Variants in PGM5 observed in about 807,000 individuals in gnomAD.
PGM5 encodes phosphoglucomutase 5.
A neutral mutation model predicts 59.2 loss-of-function variants in PGM5; 23 were observed. That is an observed-to-expected ratio of 0.39 (90% confidence interval 0.28 to 0.55). The LOEUF (loss-of-function observed/expected upper bound fraction) is 0.55. PGM5 is among the 20% of genes least tolerant of loss of function. The probability of loss-of-function intolerance (pLI) is 0.66; values close to 1 mark genes in which losing one functional copy is unlikely to be tolerated. For synonymous variants in PGM5, 214 were observed against 286.0 expected, an observed-to-expected ratio of 0.75 and a Z score of 2.54; for missense variants, 574 against 748.3, an observed-to-expected ratio of 0.77 and a Z score of 2.72.
intron 6 of PGM5, among the ~76,000 whole-genome samples, chr9:68,414,386 C>T (rs1845123): frequency 3.0e-4 from 45 of 152,328 alleles, no homozygotes; most frequent in African/African-American, 1.1e-3. Context: ...GTTCTTGATT[C>T]TGGCAATGGG....
At chr9:68,492,858 G>A (rs527934734) in intron 9 of PGM5, among the ~76,000 whole-genome samples, 2 of 152,198 alleles carry the variant, frequency 1.3e-5, no homozygotes, top group African/African-American at 4.8e-5. Context: ...TTTCTAGGCT[G>A]CATGCCCACT....
intron 10 of PGM5, among the ~76,000 whole-genome samples, chr9:68,505,908 A>G (rs1824646448): frequency 6.6e-6 from 1 of 152,178 alleles, no homozygotes; most frequent in South Asian, 2.1e-4. Flanking sequence ...TTCCTCTGGC[A>G]GCCAGCCCTC....
chr9:68,423,651 C>G (rs868948948), intron 6 of PGM5, among the ~76,000 whole-genome samples: 1 of 98,172 alleles, frequency 1.0e-5, no homozygotes, highest in South Asian at 3.9e-4. Context: ...CTCTCTCTCT[C>G]TCTGTCTCTC....
At chr9:68,434,316 C>CAAAAAAAAAAAAAAAAAAAAAAAA (rs71353054) in intron 6 of PGM5, among the ~76,000 whole-genome samples, 10 of 90,832 alleles carry the variant, frequency 1.1e-4, no homozygotes, top group South Asian at 4.4e-4. Context: ...GACTCCGTCT[C>CAAAAAAAAAAAAAAAAAAAAAAAA]AAAAAAAAAA....
chr9:68,420,660 C>T (rs1487274652), intron 6 of PGM5, among the ~76,000 whole-genome samples: 2 of 152,116 alleles, frequency 1.3e-5, no homozygotes, highest in African/African-American at 4.8e-5. Context: ...AATCTATGGC[C>T]AGATGTGGTA....
At chr9:68,508,870 G>A (rs1158717854) in intron 10 of PGM5, among the ~76,000 whole-genome samples, 1 of 152,252 alleles carries the variant, frequency 6.6e-6, no homozygotes, top group African/African-American at 2.4e-5. Context: ...TTTCTTTGAA[G>A]TGGTGTCCTT....
intron 6 of PGM5, among the ~76,000 whole-genome samples, chr9:68,425,481 T>C (rs77201642): frequency 0.024 from 3,580 of 152,232 alleles, 128 homozygotes; most frequent in African/African-American, 0.079. Context: ...TGAAATTTCA[T>C]AAATATATAT....
intron 7 of PGM5, among the ~76,000 whole-genome samples, chr9:68,465,567 C>T (rs1823921108): frequency 1.3e-5 from 2 of 152,140 alleles, no homozygotes; most frequent in South Asian, 4.1e-4. Flanking sequence ...ACACTCCTCC[C>T]TGATTATTGT....
At chr9:68,392,617 A>G (rs1822395167) in intron 6 of PGM5, 144 bp downstream of exon 6, 6 of 1,349,300 alleles carry the variant, frequency 4.4e-6, no homozygotes, top group Non-Finnish European at 4.8e-6. Flanking sequence ...TACTGGGTAG[A>G]AGCTGGAGAA....
intron 7 of PGM5, among the ~76,000 whole-genome samples, chr9:68,470,715 T>C (rs1409703146): frequency 1.3e-5 from 2 of 152,250 alleles, no homozygotes; most frequent in Non-Finnish European, 1.5e-5. Flanking sequence ...GAGGTCCTAC[T>C]GCACTTCTTT....
chr9:68,406,663 T>A (rs1394981999), intron 6 of PGM5, among the ~76,000 whole-genome samples: 14 of 1,736 alleles, frequency 8.1e-3, no homozygotes, highest in Non-Finnish European at 0.025. Context: ...AAATTAGGTA[T>A]ATATATATAT....
intron 10 of PGM5, among the ~76,000 whole-genome samples, chr9:68,527,584 G>C (rs985433687): frequency 6.6e-6 from 1 of 152,228 alleles, no homozygotes; most frequent in Non-Finnish European, 1.5e-5. Context: ...GGCAAAATGT[G>C]CCAGTGTAAA....
chr9:68,447,915 G>T (rs1823639542), intron 6 of PGM5, among the ~76,000 whole-genome samples: 1 of 152,168 alleles, frequency 6.6e-6, no homozygotes, highest in Non-Finnish European at 1.5e-5. Flanking sequence ...GTAGTCTGAG[G>T]ATACTGGTTG....
At chr9:68,466,864 T>A (rs1426383771) in intron 7 of PGM5, among the ~76,000 whole-genome samples, 4 of 152,218 alleles carry the variant, frequency 2.6e-5, no homozygotes, top group Admixed American at 2.6e-4. Flanking sequence ...AAACTTTCCC[T>A]GGTAGCAGAG....
intron 6 of PGM5, among the ~76,000 whole-genome samples, chr9:68,417,368 C>A (rs1305544734): frequency 1.3e-5 from 2 of 152,092 alleles, no homozygotes; most frequent in African/African-American, 2.4e-5. Context: ...CTCTTTACTG[C>A]CCCCTAGATC....
intron 1 of PGM5, chr9:68,357,621 G>C (rs1337971501): frequency 3.0e-6 from 2 of 662,374 alleles, no homozygotes; most frequent in Non-Finnish European, 2.5e-6. Flanking sequence ...AAAGCCTTGA[G>C]GGGTTTCCGT....
intron 10 of PGM5, among the ~76,000 whole-genome samples, chr9:68,522,253 A>T (rs1824909704): frequency 6.6e-6 from 1 of 152,206 alleles, no homozygotes; most frequent in Admixed American, 6.5e-5. Flanking sequence ...TCTTGTAAAA[A>T]GAAGCTCTCT....
intron 6 of PGM5, among the ~76,000 whole-genome samples, chr9:68,449,838 C>A (rs1444629012): frequency 1.3e-5 from 2 of 152,168 alleles, no homozygotes; most frequent in African/African-American, 4.8e-5. Flanking sequence ...ACAAGTGTCG[C>A]AGAATTAATA....
intron 6 of PGM5, among the ~76,000 whole-genome samples, chr9:68,423,491 T>G (rs1271523004): frequency 6.6e-6 from 1 of 152,198 alleles, no homozygotes; most frequent in Non-Finnish European, 1.5e-5. Flanking sequence ...GAGGCACCTT[T>G]GAAGGGAGAG....
Sources: allele counts gnomAD v4.1 joint callset (sites outside exome capture counted in the v4.1 genomes callset), GRCh38; gene constraint gnomAD v4.1.1; transcripts MANE v1.5; gene names NCBI Gene and HGNC (gene_info 2026-07-23, HGNC 2026-07-21).